The following CNTNAP5 variants were observed in gnomAD, a reference collection of about 807,000 sequenced individuals.
CNTNAP5 encodes the protein contactin associated protein family member 5, also known as contactin-associated protein-like 5.
CNTNAP5 carries 72 observed loss-of-function variants against 150.2 expected under a neutral mutation model. That is an observed-to-expected ratio of 0.48 (90% CI 0.40 to 0.58). CNTNAP5 has a LOEUF of 0.58. CNTNAP5 is among the 20% of genes least tolerant of loss of function. The pLI, the probability that CNTNAP5 is intolerant of heterozygous loss-of-function variation, is 0.00. For missense variants in CNTNAP5, 1,636 were observed against 1,626.2 expected (o/e 1.01, Z -0.10); for synonymous variants, 672 against 619.8 (o/e 1.08, Z -1.25).
chr2:124,526,264 A>C (rs942750332), intron 9 of CNTNAP5, among the ~76,000 whole-genome samples: 6 of 152,168 alleles, frequency 3.9e-5, no homozygotes, highest in African/African-American at 9.7e-5. Flanking sequence ...CTGTAAACTT[A>C]AGGAAGGTGA....
At chr2:124,524,896 T>C (rs888350824) in intron 9 of CNTNAP5, among the ~76,000 whole-genome samples, 2 of 152,154 alleles carry the variant, frequency 1.3e-5, no homozygotes, top group Non-Finnish European at 2.9e-5. Flanking sequence ...CACTTTCCTC[T>C]CTTAGTCTCC....
At chr2:124,504,590 G>C in intron 8 of CNTNAP5, 34 bp downstream of exon 8, 2 of 1,601,070 alleles carry the variant, frequency 1.2e-6, no homozygotes, top group Non-Finnish European at 1.7e-6. Context: ...TCAGCTTCTT[G>C]TTTATCCAAG....
At chr2:124,518,229 G>A (rs1365466143) in intron 8 of CNTNAP5, among the ~76,000 whole-genome samples, 1 of 152,158 alleles carries the variant, frequency 6.6e-6, no homozygotes, top group Admixed American at 6.5e-5. Flanking sequence ...ATAAAGGGCT[G>A]TGGAGATCTC....
intron 3 of CNTNAP5, among the ~76,000 whole-genome samples, chr2:124,362,306 A>G (rs1359008695): frequency 6.6e-6 from 1 of 152,160 alleles, no homozygotes; most frequent in Admixed American, 6.5e-5. Flanking sequence ...GACCGGAGCT[A>G]TTCCTATTCG....
chr2:124,868,785 G>T (rs956174620), intron 20 of CNTNAP5, among the ~76,000 whole-genome samples: 1 of 152,144 alleles, frequency 6.6e-6, no homozygotes, highest in African/African-American at 2.4e-5. Flanking sequence ...CACTCAAGCT[G>T]TGCAAAGTCA....
chr2:124,684,896 G>C (rs721521), intron 13 of CNTNAP5, among the ~76,000 whole-genome samples: 2,622 of 152,184 alleles, frequency 0.017, 65 homozygotes, highest in African/African-American at 0.06. Flanking sequence ...GCTAGTGAGT[G>C]GTGAAAGTGG....
chr2:124,062,182 T>G (rs1295406156), intron 1 of CNTNAP5, among the ~76,000 whole-genome samples: 5 of 152,224 alleles, frequency 3.3e-5, no homozygotes, highest in Non-Finnish European at 7.3e-5. Flanking sequence ...TGCTATAGTT[T>G]ATATCACAAA....
At chr2:124,734,989 G>T (rs146076562) in intron 13 of CNTNAP5, among the ~76,000 whole-genome samples, 353 of 152,222 alleles carry the variant, frequency 2.3e-3, no homozygotes, top group African/African-American at 8.0e-3. Context: ...ATCTTGGGCT[G>T]TACTCTCCAA....
In CNTNAP5 at chr2:124,235,602, G is replaced by A. The variant is rs965293950; in HGVS notation, c.188-6598G>A. ...GATGATGTCCTGATGATGTCCCATA[G>A]ATGGGCTTTCCTTTCTGCTCTGCCT... is the stretch of plus-strand genomic sequence containing the variant. On this transcript the variant is annotated intron_variant, in intron 2 of 23. Transcript: ENST00000682447. Among the ~76,000 whole-genome samples, 4 of 152,138 alleles carry A rather than the reference G, an allele frequency of 2.6e-5. No homozygotes were observed. In the South Asian group the frequency reaches 6.2e-4, roughly 24 times the overall value.
intron 19 of CNTNAP5, among the ~76,000 whole-genome samples, chr2:124,801,239 A>C (rs1681959832): frequency 6.6e-6 from 1 of 152,190 alleles, no homozygotes; most frequent in Non-Finnish European, 1.5e-5. Context: ...CTGTGAAGAT[A>C]AGAAAAGAAA....
intron 2 of CNTNAP5, among the ~76,000 whole-genome samples, chr2:124,227,134 G>A (rs1686479472): frequency 6.6e-6 from 1 of 152,088 alleles, no homozygotes; most frequent in African/African-American, 2.4e-5. Flanking sequence ...ACTTTGGAAA[G>A]CAATGAGCAA....
intron 7 of CNTNAP5, among the ~76,000 whole-genome samples, 176 bp downstream of exon 7, chr2:124,475,058 A>G (rs564091650): frequency 5.3e-5 from 8 of 152,112 alleles, no homozygotes; most frequent in Non-Finnish European, 1.2e-4. Flanking sequence ...ATCTGTGTTA[A>G]TTGCACTAGT....
At chr2:124,665,968 T>C (rs1324336267) in intron 13 of CNTNAP5, among the ~76,000 whole-genome samples, 3 of 152,088 alleles carry the variant, frequency 2.0e-5, no homozygotes, top group East Asian at 3.8e-4. Context: ...TCTGAAATAG[T>C]GTTCATACAT....
intron 1 of CNTNAP5, among the ~76,000 whole-genome samples, chr2:124,084,528 C>G (rs1682632668): frequency 6.6e-6 from 1 of 152,072 alleles, no homozygotes; most frequent in African/African-American, 2.4e-5. Flanking sequence ...CTCAGCCTCT[C>G]AAAGTGCTGG....
At chr2:124,903,583 G>T (rs574422483) in intron 22 of CNTNAP5, among the ~76,000 whole-genome samples, 1 of 152,046 alleles carries the variant, frequency 6.6e-6, no homozygotes, top group African/African-American at 2.4e-5. Context: ...ATAAACATGC[G>T]CATTGTGTAA....
chr2:124,510,516 T>TATATATATATATAC (rs1553474741), intron 8 of CNTNAP5, among the ~76,000 whole-genome samples: 4 of 123,170 alleles, frequency 3.2e-5, no homozygotes, highest in African/African-American at 1.0e-4. Flanking sequence ...TATATATATA[T>TATATATATATATAC]ATACATATAT....
At chr2:124,549,600 A>G (rs1207391164) in intron 10 of CNTNAP5, among the ~76,000 whole-genome samples, 1 of 152,220 alleles carries the variant, frequency 6.6e-6, no homozygotes, top group Non-Finnish European at 1.5e-5. Flanking sequence ...GCTAAATATT[A>G]AGAAAATCTT....
In CNTNAP5 at chr2:124,772,929, C is replaced by T. The variant is rs1053691732; in HGVS notation, c.2664C>T (p.Ser888=). 1 of 1,613,696 alleles carries T rather than the reference C, an allele frequency of 6.2e-7. No individual in the cohort carries two copies. Among genetic ancestry groups the T allele is most frequent in the South Asian group, 1.1e-5 (1 of 91,070 alleles). The stretch of plus-strand genomic sequence containing the variant: ...CTGAGAGGAACCTCAAGGAGACCTC[C>T]CTGCAGGTGGACAACCTTCCAAGGA... ...VRAERNLKET[S]LQVDNLPRST... is the part of the protein sequence containing the mutation. Residue 888 remains serine, a synonymous_variant, in exon 17 of 24, where the codon TCC becomes TCT. Transcript: ENST00000682447.
rs567409796 is a variant in CNTNAP5, at chr2:124,919,691, A to T, written c.*5403A>T. ...CAATATCATGGGCTTTGCATGAATAATTCTTTACTCACATTTGCATGATTT... is the reference window on the plus strand; with the variant it reads ...CAATATCATGGGCTTTGCATGAATATTTCTTTACTCACATTTGCATGATTT... On this transcript the variant is annotated 3_prime_UTR_variant, in exon 24 of 24. Transcript: ENST00000682447. Among the ~76,000 whole-genome samples the T allele has an allele frequency of 6.6e-6, 1 of 151,910 alleles. No homozygotes were observed. The highest frequency in any genetic ancestry group is 1.9e-4 in the East Asian group (1 of 5,132).
Sources: allele counts gnomAD v4.1 joint callset (sites outside exome capture counted in the v4.1 genomes callset), GRCh38; gene constraint gnomAD v4.1.1; transcripts MANE v1.5; gene names NCBI Gene and HGNC (gene_info 2026-07-23, HGNC 2026-07-21).